Variants in FANCA observed in about 807,000 individuals in gnomAD.
FANCA encodes Fanconi anemia group A protein.
In FANCA, 236 loss-of-function variants were observed where a neutral mutation model predicts 194.3. The observed-to-expected ratio is 1.21, with a 90% CI of 1.09 to 1.35. The LOEUF (loss-of-function observed/expected upper bound fraction) is 1.35. Among genes scored for constraint, FANCA ranks in the 40% most tolerant of loss-of-function variants. The pLI is 0.00. For synonymous variants in FANCA, 1,014 were observed against 715.8 expected (o/e 1.42, Z -6.65); for missense variants, 2,628 against 1,813.9 (o/e 1.45, Z -8.15).
At chr16:89,776,176 T>C (rs1321731214) in intron 20 of FANCA, among the ~76,000 whole-genome samples, 2 of 141,854 alleles carry the variant, frequency 1.4e-5, no homozygotes, top group Non-Finnish European at 3.1e-5. Context: ...TTTTTTTTTT[T>C]TTTTTTTTTG....
chr16:89,776,292 C>T (rs1465014960), intron 20 of FANCA, among the ~76,000 whole-genome samples: 8 of 150,568 alleles, frequency 5.3e-5, no homozygotes, highest in Non-Finnish European at 1.2e-4. Flanking sequence ...CTCACCCTCC[C>T]GAGTAGGTGG....
chr16:89,772,169 G>A (rs2039348647), intron 22 of FANCA, among the ~76,000 whole-genome samples: 1 of 152,200 alleles, frequency 6.6e-6, no homozygotes, highest in African/African-American at 2.4e-5. Context: ...TTGGCCCAGG[G>A]AAATGGGCCA....
intron 8 of FANCA, among the ~76,000 whole-genome samples, chr16:89,800,027 G>C (rs45504391): frequency 6.6e-6 from 1 of 152,164 alleles, no homozygotes; most frequent in Non-Finnish European, 1.5e-5. Context: ...TTTACAAAGA[G>C]ATCAACTTTA....
In FANCA at chr16:89,740,980, C is replaced by T. The variant is rs1292864599; in HGVS notation, c.3766-114G>A. 4.3e-6 allele frequency: 4 copies of T among 932,804 alleles called. No homozygotes were observed. The East Asian group carries it at 7.9e-5, about 18-fold the overall frequency. 57.8% of individuals were successfully genotyped at this position (932,804 alleles called of 1,614,324 possible). On this transcript the variant is annotated intron_variant, in intron 37 of 42. Coordinates refer to ENST00000389301, the MANE Select transcript of FANCA (RefSeq NM_000135.4). ...ATTTTTTACATCTAGGCCATAAATCCTTTAAGTGGATCTTAGAAAACTTTC... is the reference window on the plus strand; with the variant it reads ...ATTTTTTACATCTAGGCCATAAATCTTTTAAGTGGATCTTAGAAAACTTTC...
At chr16:89,768,550 G>C (rs536557515) in intron 26 of FANCA, among the ~76,000 whole-genome samples, 1 of 152,196 alleles carries the variant, frequency 6.6e-6, no homozygotes, top group African/African-American at 2.4e-5. Context: ...CAGCTACTCA[G>C]GAAGCTGAGG....
intron 30 of FANCA, among the ~76,000 whole-genome samples, chr16:89,754,437 A>ATC (rs1341810287): frequency 6.6e-6 from 1 of 152,122 alleles, no homozygotes; most frequent in Non-Finnish European, 1.5e-5. Flanking sequence ...CAGTGGCATG[A>ATC]TCTCAACTCA....
At position 89,806,327 on chromosome 16, in the gene FANCA, C is replaced by T. The variant is rs1364399918; in HGVS notation, c.597-935G>A. 3.4e-5 allele frequency among the ~76,000 whole-genome samples: 5 copies of T among 149,066 alleles called. No homozygotes were observed. The South Asian group carries it at 6.4e-4, about 19-fold the overall frequency. On this transcript the variant is annotated intron_variant, in intron 6 of 42. Coordinates refer to ENST00000389301, the MANE Select transcript of FANCA (RefSeq NM_000135.4). ...GTCAGTCAGGTCAGCTGGTTTGCAGCATTCAACTTCTATATCATTCTTTTT... is the reference window on the plus strand; with the variant it reads ...GTCAGTCAGGTCAGCTGGTTTGCAGTATTCAACTTCTATATCATTCTTTTT...
intron 11 of FANCA, chr16:89,792,852 G>A (rs933365687): frequency 1.1e-5 from 4 of 379,334 alleles, no homozygotes; most frequent in Non-Finnish European, 2.0e-5. Context: ...AAGGTCACGT[G>A]TCCACTGGAT....
intron 10 of FANCA, among the ~76,000 whole-genome samples, chr16:89,797,173 T>A (rs890650720): frequency 2.1e-5 from 3 of 145,238 alleles, no homozygotes; most frequent in Admixed American, 6.8e-5. Flanking sequence ...AAAAGAAAAA[T>A]AAAAAAAATT....
intron 28 of FANCA, 47 bp downstream of exon 28, chr16:89,764,843 C>G (rs745864013): frequency 6.2e-7 from 1 of 1,604,306 alleles, no homozygotes; most frequent in Non-Finnish European, 8.5e-7. Flanking sequence ...CACACAAACC[C>G]TAGACTCAGG....
rs183095625 is a variant in FANCA, at chr16:89,811,789, G to A, written c.284-718C>T. Among the ~76,000 whole-genome samples, 200 of 152,038 alleles carry A rather than the reference G, an allele frequency of 1.3e-3. 1 individual carries two copies. Among genetic ancestry groups the A allele is most frequent in the African/African-American group, 4.5e-3 (187 of 41,478 alleles). ...ACTGCCGCCTGGACTGAAGTGCAAC[G>A]GCGCCATCTCAGCTCACTGCAACCT... is the stretch of plus-strand genomic sequence containing the variant. On this transcript the variant is annotated intron_variant, in intron 3 of 42. Coordinates refer to ENST00000389301, the MANE Select transcript of FANCA (RefSeq NM_000135.4).
At chr16:89,784,648 C>G (rs182834230) in intron 15 of FANCA, among the ~76,000 whole-genome samples, 10 of 152,134 alleles carry the variant, frequency 6.6e-5, no homozygotes, top group Admixed American at 5.2e-4. Context: ...CACGCACTCA[C>G]TGTGTGTCCA....
At chr16:89,810,279 C>T (rs1359098683) in intron 5 of FANCA, among the ~76,000 whole-genome samples, 4 of 150,214 alleles carry the variant, frequency 2.7e-5, no homozygotes, top group Non-Finnish European at 5.9e-5. Context: ...GCCAAGATCA[C>T]GCCACTGCAC....
chr16:89,791,184 G>A lies in FANCA; in HGVS notation c.1359+219C>T, dbSNP rs72807598. On this transcript the variant is annotated intron_variant, in intron 14 of 42. Transcript: ENST00000389301. ...TGAGGCCCCGACAGGGAGAACCCAG[G>A]CTCCTCGGAACATGCAGAGGAAGAT... 4.7e-4 allele frequency: 287 copies of A among 617,172 alleles called. 1 individual carries two copies. The highest frequency in any genetic ancestry group is 7.4e-4 in the Non-Finnish European group (261 of 350,498). The allele number at this position is 617,172 out of a possible 1,614,324, so 38.2% of individuals were successfully genotyped here. A position where few individuals can be genotyped will look rare whatever the true frequency, so the allele number is the denominator to read the frequency against.
intron 14 of FANCA, among the ~76,000 whole-genome samples, chr16:89,786,364 G>A (rs1399902629): frequency 1.3e-5 from 2 of 152,140 alleles, no homozygotes; most frequent in African/African-American, 4.8e-5. Context: ...TGTGTTTTTA[G>A]TAGAGACAGG....
In FANCA at chr16:89,782,842, G is replaced by C. The variant is rs777619836; in HGVS notation, c.1626+17C>G. The C allele has an allele frequency of 6.2e-7, 1 of 1,611,396 alleles. No homozygotes were observed. The highest frequency in any genetic ancestry group is 2.2e-5 in the East Asian group (1 of 44,874). Reference sequence around the variant, plus strand: ...GGCGTGACTGGCTGAGACCCTGCAGGGCTCAAGCAACATTACCTCAGTAAT... The same window carrying C: ...GGCGTGACTGGCTGAGACCCTGCAGCGCTCAAGCAACATTACCTCAGTAAT... On this transcript the variant is annotated intron_variant, in intron 17 of 42. Coordinates refer to ENST00000389301, the MANE Select transcript of FANCA (RefSeq NM_000135.4).
At chr16:89,793,913 G>A (rs1458815906) in intron 11 of FANCA, among the ~76,000 whole-genome samples, 2 of 152,046 alleles carry the variant, frequency 1.3e-5, no homozygotes, top group Non-Finnish European at 1.5e-5. Flanking sequence ...ACCACGCCCG[G>A]CTAATTTTTG....
chr16:89,784,453 C>T (rs905595481), intron 15 of FANCA, among the ~76,000 whole-genome samples: 1 of 150,686 alleles, frequency 6.6e-6, no homozygotes, highest in African/African-American at 2.4e-5. Flanking sequence ...AACATGAGAT[C>T]CTAAAACCCT....
chr16:89,778,161 CAAAAAAAAAAA>C (rs35361961), intron 20 of FANCA, among the ~76,000 whole-genome samples: 17 of 48,004 alleles, frequency 3.5e-4, no homozygotes, highest in Non-Finnish European at 5.9e-4. Context: ...GACTTCATCT[CAAAAAAAAAAA>C]AAAAAAAAGG....
Sources: allele counts gnomAD v4.1 joint callset (sites outside exome capture counted in the v4.1 genomes callset), GRCh38; gene constraint gnomAD v4.1.1; transcripts MANE v1.5; gene names NCBI Gene and HGNC (gene_info 2026-07-23, HGNC 2026-07-21).